AASDHPPT: variants seen among roughly 807,000 people sequenced by gnomAD.
The protein encoded by AASDHPPT is L-aminoadipate-semialdehyde dehydrogenase-phosphopantetheinyl transferase.
In AASDHPPT, 23 loss-of-function variants were observed where a neutral mutation model predicts 36.4. The ratio of observed to expected loss-of-function variants is 0.63; its 90% CI spans 0.45 to 0.89. The LOEUF is 0.89. Ranked by LOEUF, AASDHPPT falls within the 40% of genes least tolerant of loss-of-function variation. AASDHPPT has a pLI of 0.00. For synonymous variants in AASDHPPT, 115 were observed against 128.0 expected (o/e 0.90, Z 0.68); for missense variants, 377 against 378.2 (o/e 1.00, Z 0.03).
intron 1 of AASDHPPT, among the ~76,000 whole-genome samples, 158 bp downstream of exon 1, chr11:106,078,051 G>C (rs866983532): frequency 1.3e-5 from 2 of 152,306 alleles, no homozygotes; most frequent in South Asian, 2.1e-4. Context: ...GCGGAGTTGT[G>C]GGCGACGCAC....
chr11:106,077,708 T>A lies in AASDHPPT; in HGVS notation c.-3T>A. The A allele has an allele frequency of 6.2e-7, 1 of 1,612,734 alleles. No individual in the cohort carries two copies. The highest frequency in any genetic ancestry group is 8.5e-7 in the Non-Finnish European group (1 of 1,179,060). On this transcript the variant is annotated 5_prime_UTR_variant, in exon 1 of 6. Coordinates refer to ENST00000278618, the MANE Select transcript of AASDHPPT (RefSeq NM_015423.3). ...AGATAGCGGCGAGGTCCGCTTTCAGTGTATGGTTTTCCCTGCCAAACGGTT... is the reference window on the plus strand; with the variant it reads ...AGATAGCGGCGAGGTCCGCTTTCAGAGTATGGTTTTCCCTGCCAAACGGTT...
intron 1 of AASDHPPT, among the ~76,000 whole-genome samples, 159 bp downstream of exon 1, chr11:106,078,052 G>A (rs1283416979): frequency 6.6e-6 from 1 of 152,190 alleles, no homozygotes; most frequent in African/African-American, 2.4e-5. Context: ...CGGAGTTGTG[G>A]GCGACGCACG....
chr11:106,078,604 G>GA (rs1861094279), intron 1 of AASDHPPT, among the ~76,000 whole-genome samples: 1 of 152,086 alleles, frequency 6.6e-6, no homozygotes, highest in Non-Finnish European at 1.5e-5. Flanking sequence ...GTCCCATATT[G>GA]AAACACTTTC....
At chr11:106,094,778 T>C in intron 5 of AASDHPPT, 124 bp downstream of exon 5, 1 of 619,816 alleles carries the variant, frequency 1.6e-6, no homozygotes. Context: ...ATTATAGATA[T>C]AGTAGTACTC....
intron 2 of AASDHPPT, among the ~76,000 whole-genome samples, chr11:106,083,799 T>G (rs1861168259): frequency 6.6e-6 from 1 of 152,244 alleles, no homozygotes; most frequent in South Asian, 2.1e-4. Flanking sequence ...AGTTTAAAAT[T>G]TTAGGACAAA....
At chr11:106,091,509 G>T (rs979274986) in intron 4 of AASDHPPT, 32 bp downstream of exon 4, 2 of 1,540,854 alleles carry the variant, frequency 1.3e-6, no homozygotes, top group Non-Finnish European at 1.7e-6. Context: ...TTAAAACTAA[G>T]AATTTCTATT....
At chr11:106,094,436 G>A in intron 4 of AASDHPPT, 147 bp from the exon 5 acceptor site, 1 of 510,452 alleles carries the variant, frequency 2.0e-6, no homozygotes, top group Non-Finnish European at 3.3e-6. Flanking sequence ...TAGCGGAGGT[G>A]GGGAAATATA....
Position 106,097,037 on chromosome 11 carries a change from TAAA to T in AASDHPPT, c.*139_*141del. 1 of 757,018 alleles carries T rather than the reference TAAA, an allele frequency of 1.3e-6. No homozygotes were observed. Among genetic ancestry groups the T allele is most frequent in the Non-Finnish European group, 1.9e-6 (1 of 531,128 alleles). The allele number at this position is 757,018 out of a possible 1,614,324, so 46.9% of individuals were successfully genotyped here. On this transcript the variant is annotated 3_prime_UTR_variant, in exon 6 of 6. Coordinates refer to ENST00000278618, the MANE Select transcript of AASDHPPT (RefSeq NM_015423.3). ...TTTAAAGAACAGAAACTTTTCCAAT[TAAA>T]AAAAAAAAGCAGACTTCTGGTTCAA...
chr11:106,088,226 A>T (rs1004581619), intron 2 of AASDHPPT, among the ~76,000 whole-genome samples: 1 of 152,004 alleles, frequency 6.6e-6, no homozygotes, highest in African/African-American at 2.4e-5. Context: ...CTTTTATGTT[A>T]ATCAGTTTTT....
chr11:106,079,773 A>T (rs1861114993), intron 2 of AASDHPPT, 81 bp downstream of exon 2: 1 of 1,220,064 alleles, frequency 8.2e-7, no homozygotes, highest in Admixed American at 1.9e-5. Flanking sequence ...TCAGGCCAGG[A>T]GATGTATTAG....
At chr11:106,084,977 A>G (rs1861182931) in intron 2 of AASDHPPT, among the ~76,000 whole-genome samples, 1 of 152,196 alleles carries the variant, frequency 6.6e-6, no homozygotes, top group African/African-American at 2.4e-5. Flanking sequence ...GAAATTCTGT[A>G]TTGGATGTAA....
At chr11:106,095,439 A>G (rs1241701944) in intron 5 of AASDHPPT, among the ~76,000 whole-genome samples, 1 of 152,190 alleles carries the variant, frequency 6.6e-6, no homozygotes, top group Non-Finnish European at 1.5e-5. Context: ...GTGGCATAAC[A>G]TCAGTTTCAA....
intron 5 of AASDHPPT, among the ~76,000 whole-genome samples, chr11:106,096,184 T>C (rs528931071): frequency 6.6e-6 from 1 of 152,318 alleles, no homozygotes; most frequent in East Asian, 1.9e-4. Flanking sequence ...CCAAGTACTA[T>C]TTATACTAGA....
At chr11:106,095,182 A>G (rs558267732) in intron 5 of AASDHPPT, among the ~76,000 whole-genome samples, 1 of 151,918 alleles carries the variant, frequency 6.6e-6, no homozygotes, top group East Asian at 1.9e-4. Flanking sequence ...TATTACAACA[A>G]AAAAAAATAT....
At chr11:106,094,082 G>A (rs1861285773) in intron 4 of AASDHPPT, 1 of 152,064 alleles carries the variant, frequency 6.6e-6, no homozygotes, top group Non-Finnish European at 1.5e-5. Context: ...AACCCCAAAT[G>A]AGCAATATTT....
At chr11:106,082,480 A>T (rs1000793449) in intron 2 of AASDHPPT, among the ~76,000 whole-genome samples, 1 of 152,196 alleles carries the variant, frequency 6.6e-6, no homozygotes, top group Non-Finnish European at 1.5e-5. Flanking sequence ...TTGTTACTAG[A>T]TTGCCAACTC....
At chr11:106,078,321 A>G (rs1326970035) in intron 1 of AASDHPPT, among the ~76,000 whole-genome samples, 1 of 152,126 alleles carries the variant, frequency 6.6e-6, no homozygotes, top group Non-Finnish European at 1.5e-5. Flanking sequence ...GACTCCCTGC[A>G]CGTGGTAGGC....
rs1287711636 is a variant in AASDHPPT at position 106,077,866 on chromosome 11, C to T, written c.156C>T (p.Val52=). 3 of 1,614,052 alleles carry T rather than the reference C, an allele frequency of 1.9e-6. No homozygotes were observed. The African/African-American group carries it at 4.0e-5, about 22-fold the overall frequency. ...PEEKERIGQF[V]FARDAKAAMA... ...AGAAGGAGCGCATTGGCCAGTTCGT[C>T]TTTGCCCGGGACGCTAAGGCAGCCA... Residue 52 remains valine (V), a synonymous_variant, in exon 1 of 6, where the codon GTC becomes GTT. Coordinates refer to ENST00000278618, the MANE Select transcript of AASDHPPT (RefSeq NM_015423.3).
At chr11:106,087,616 G>A (rs960610566) in intron 2 of AASDHPPT, among the ~76,000 whole-genome samples, 1 of 152,070 alleles carries the variant, frequency 6.6e-6, no homozygotes, top group African/African-American at 2.4e-5. Context: ...GATTAATGTC[G>A]TAGGCCCTGA....
Sources: allele counts gnomAD v4.1 joint callset (sites outside exome capture counted in the v4.1 genomes callset), GRCh38; gene constraint gnomAD v4.1.1; transcripts MANE v1.5; gene names NCBI Gene and HGNC (gene_info 2026-07-23, HGNC 2026-07-21).